Variants in PARD6G observed in about 807,000 individuals in gnomAD.
The protein encoded by PARD6G is par-6 family cell polarity regulator gamma, also known as partitioning defective 6 homolog gamma.
PARD6G carries 7 observed loss-of-function variants against 10.7 expected under a neutral mutation model. The observed-to-expected ratio is 0.66, with a 90% CI of 0.37 to 1.23. PARD6G has a LOEUF of 1.23. Ranked by LOEUF, PARD6G falls within the 50% of genes most tolerant of loss-of-function variation. The pLI is 0.02. For missense variants in PARD6G, 548 were observed against 571.8 expected, an observed-to-expected ratio of 0.96 and a Z score of 0.42; for synonymous variants, 287 against 269.4, an observed-to-expected ratio of 1.07 and a Z score of -0.64.
intron 1 of PARD6G, among the ~76,000 whole-genome samples, chr18:80,226,151 GTTTTTTTTT>G (rs10606939): frequency 1.3e-4 from 10 of 76,572 alleles, no homozygotes; most frequent in South Asian, 9.5e-4. Context: ...AATGACTTCA[GTTTTTTTTT>G]TTTTTTTTTT....
intron 1 of PARD6G, among the ~76,000 whole-genome samples, chr18:80,216,209 G>A (rs1441828338): frequency 6.6e-6 from 1 of 151,970 alleles, no homozygotes; most frequent in African/African-American, 2.4e-5. Context: ...TTTTTATAAT[G>A]AATAAAACTA....
In PARD6G at chr18:80,182,919, T is replaced by C. The variant is rs1350916676; in HGVS notation, c.295+19791A>G. On this transcript the variant is annotated intron_variant, in intron 2 of 2. Transcript: ENST00000353265. This position sits in a 1 kb window ranked among gnomAD's most constrained non-coding sequence, Gnocchi z 4.5. The stretch of plus-strand genomic sequence containing the variant: ...GGCTAGATGTTTGGCTGAAGCTGCG[T>C]GTGCCACAACACTGCAGGCCCCACA... The C allele has an allele frequency of 6.8e-6, 4 of 589,344 alleles. No individual in the cohort carries two copies. Among genetic ancestry groups the C allele is most frequent in the African/African-American group, 1.9e-5 (1 of 53,626 alleles). The allele number at this position is 589,344 out of a possible 1,614,324, so 36.5% of individuals were successfully genotyped here.
rs756076266 is a variant in PARD6G at position 80,181,711 on chromosome 18, T to G, written c.295+20999A>C. Among the ~76,000 whole-genome samples, 1 of 152,052 alleles carries G rather than the reference T, an allele frequency of 6.6e-6. No homozygotes were observed. The highest frequency in any genetic ancestry group is 2.4e-5 in the African/African-American group (1 of 41,382). ...GCCAACCTGGAGCCTGGCCCTTCCCTCCTTCCTGGCTGGAAGCTGCTTTCA... is the reference window on the plus strand; with the variant it reads ...GCCAACCTGGAGCCTGGCCCTTCCCGCCTTCCTGGCTGGAAGCTGCTTTCA... On this transcript the variant is annotated intron_variant, in intron 2 of 2. Coordinates refer to ENST00000353265, the MANE Select transcript of PARD6G (RefSeq NM_032510.4). The surrounding 1 kb of genome is among the most constrained non-coding windows in gnomAD (Gnocchi z 7.9).
chr18:80,160,330 G>C lies in PARD6G; in HGVS notation c.572C>G (p.Pro191Arg). 1 of 1,611,876 alleles carries C rather than the reference G, an allele frequency of 6.2e-7. No individual in the cohort carries two copies. Among genetic ancestry groups the C allele is most frequent in the Non-Finnish European group, 8.5e-7 (1 of 1,179,802 alleles). Residue 191 changes from proline to arginine, a missense_variant, in exon 3 of 3, where the codon CCC (proline) becomes CGC (arginine). Coordinates refer to ENST00000353265, the MANE Select transcript of PARD6G (RefSeq NM_032510.4). ...RVTPHGLEKV[P>R]GIFISRMVPG... ...TACCATGCGCGAGATGAAGATGCCG[G>C]GCACCTTCTCCAGCCCGTGCGGGGT...
chr18:80,212,788 G>A (rs1346235108), intron 1 of PARD6G, among the ~76,000 whole-genome samples: 2 of 152,024 alleles, frequency 1.3e-5, no homozygotes, highest in African/African-American at 4.8e-5. Context: ...AGGAGGCTGA[G>A]ACAGGAGAAT....
At chr18:80,218,355 G>A (rs1967192810) in intron 1 of PARD6G, among the ~76,000 whole-genome samples, 1 of 151,802 alleles carries the variant, frequency 6.6e-6, no homozygotes, top group Non-Finnish European at 1.5e-5. Context: ...ATTCCAAACA[G>A]GAGAAATTGG....
Position 80,246,462 on chromosome 18 carries a change from G to C in PARD6G, c.72+815C>G, listed in dbSNP as rs576573938. On this transcript the variant is annotated intron_variant, in intron 1 of 2. Coordinates refer to ENST00000353265, the MANE Select transcript of PARD6G (RefSeq NM_032510.4). The surrounding 1 kb of genome is among the most constrained non-coding windows in gnomAD (Gnocchi z 6.7). ...GGCACGCTCCGCCCGGGCGCAGGCA[G>C]CGGGAGGGGCCGGGCACGCCCGTGG... Among the ~76,000 whole-genome samples, 441 of 152,278 alleles carry C rather than the reference G, an allele frequency of 2.9e-3. 3 individuals are homozygous for C. Among genetic ancestry groups the C allele is most frequent in the African/African-American group, 0.01 (428 of 41,576 alleles).
At chr18:80,165,170 G>A (rs543129604) in intron 2 of PARD6G, among the ~76,000 whole-genome samples, 11 of 152,304 alleles carry the variant, frequency 7.2e-5, no homozygotes, top group East Asian at 5.8e-4. Context: ...AGACCAGGGC[G>A]TATCTCAGTC....
chr18:80,178,997 C>G (rs1475499862), intron 2 of PARD6G, among the ~76,000 whole-genome samples: 3 of 152,168 alleles, frequency 2.0e-5, no homozygotes, highest in Non-Finnish European at 4.4e-5. Context: ...CGCCAGAGCC[C>G]AGGGAGAGCA....
At chr18:80,225,124 T>A (rs899140716) in intron 1 of PARD6G, among the ~76,000 whole-genome samples, 1 of 152,134 alleles carries the variant, frequency 6.6e-6, no homozygotes, top group African/African-American at 2.4e-5. Context: ...CTCAGAACCA[T>A]CCCCAAGGAA....
In PARD6G at chr18:80,182,668, C is replaced by T. The variant is rs113295397; in HGVS notation, c.295+20042G>A. Among the ~76,000 whole-genome samples, 1 of 152,228 alleles carries T rather than the reference C, an allele frequency of 6.6e-6. No individual in the cohort carries two copies. The highest frequency in any genetic ancestry group is 6.5e-5 in the Admixed American group (1 of 15,290). ...ACAGGGAAAAAAGGTGCAAGTCCAA[C>T]AGACACCCTTTCCAGTCACCTAGAC... On this transcript the variant is annotated intron_variant, in intron 2 of 2. Coordinates refer to ENST00000353265, the MANE Select transcript of PARD6G (RefSeq NM_032510.4). The surrounding 1 kb of genome is among the most constrained non-coding windows in gnomAD (Gnocchi z 4.5).
At chr18:80,226,721 T>C (rs9675571) in intron 1 of PARD6G, among the ~76,000 whole-genome samples, 128,289 of 152,076 alleles carry the variant, frequency 0.84, 54,250 homozygotes, top group Non-Finnish European at 0.86. Context: ...CCCCCAGAGA[T>C]GTGACAGACT....
chr18:80,241,031 G>A (rs960378430), intron 1 of PARD6G, among the ~76,000 whole-genome samples: 5 of 152,278 alleles, frequency 3.3e-5, no homozygotes, highest in South Asian at 2.1e-4. Context: ...AGGACTTCCC[G>A]TGAGGCCATG....
chr18:80,159,869 G>A lies in PARD6G; in HGVS notation c.1033C>T (p.Leu345Phe). ...CGCAGGGAGCTGAGCAGCCGCTGGA[G>A]GCCGCCGTCCAGGGCCAGGTCCCGC... is the stretch of plus-strand genomic sequence containing the variant. ...LQRDLALDGG[L>F]QRLLSSLRAD... The change falls in exon 3 of 3, where the codon CTC becomes TTC. Residue 345 changes from leucine (L) to phenylalanine (F), a missense_variant. Transcript: ENST00000353265. 3 of 1,510,308 alleles carry A rather than the reference G, an allele frequency of 2.0e-6. No individual in the cohort carries two copies. Among genetic ancestry groups the A allele is most frequent in the Non-Finnish European group, 2.6e-6 (3 of 1,135,078 alleles). The allele number at this position is 1,510,308 out of a possible 1,614,324, so 93.6% of individuals were successfully genotyped here. A position where few individuals can be genotyped will look rare whatever the true frequency, so the allele number is the denominator to read the frequency against.
chr18:80,199,312 G>A (rs1157490397), intron 2 of PARD6G, among the ~76,000 whole-genome samples: 2 of 152,100 alleles, frequency 1.3e-5, no homozygotes, highest in African/African-American at 4.8e-5. Context: ...TTAAACATAC[G>A]GTTTCTGAGG....
At position 80,160,525 on chromosome 18, in the gene PARD6G, G is replaced by T. The variant is rs1267791271; in HGVS notation, c.377C>A (p.Pro126His). The T allele has an allele frequency of 6.6e-7, 1 of 1,517,310 alleles. No individual in the cohort carries two copies. The highest frequency in any genetic ancestry group is 2.3e-5 in the East Asian group (1 of 42,704). The allele number at this position is 1,517,310 out of a possible 1,614,324, so 94.0% of individuals were successfully genotyped here. A position where few individuals can be genotyped will look rare whatever the true frequency, so the allele number is the denominator to read the frequency against. ...GATGTCCAGGTGTGCACGCCGCCGG[G>T]GTCCTTCATCACGCAGCGCGCCCAG... ...RALGALRDEG[P>H]RRRAHLDIGL... is the part of the protein sequence containing the mutation. Residue 126 changes from proline to histidine, a missense_variant, in exon 3 of 3, where the codon CCC (proline) becomes CAC (histidine). By Grantham distance (77) the Pro-to-His change is moderately conservative. Around this residue, in one of 2 missense-constraint regions of PARD6G, gnomAD observed 235 missense variants for 291.9 expected, o/e 0.81. Coordinates refer to ENST00000353265, the MANE Select transcript of PARD6G (RefSeq NM_032510.4).
intron 1 of PARD6G, among the ~76,000 whole-genome samples, chr18:80,244,743 C>T (rs1202760169): frequency 1.3e-5 from 2 of 152,174 alleles, no homozygotes; most frequent in African/African-American, 4.8e-5. Context: ...CCCCAGACGC[C>T]ATTTTCCCCA....
chr18:80,193,902 C>T (rs554536820), intron 2 of PARD6G, among the ~76,000 whole-genome samples: 2 of 152,130 alleles, frequency 1.3e-5, no homozygotes, highest in African/African-American at 2.4e-5. Context: ...CAAAAACAGT[C>T]GGGATTTCTG....
At chr18:80,171,779 C>A (rs1044795698) in intron 2 of PARD6G, 2 of 152,212 alleles carry the variant, frequency 1.3e-5, no homozygotes, top group African/African-American at 4.8e-5. Flanking sequence ...TGTTCAAGGT[C>A]ATCCACATTG....
Sources: allele counts gnomAD v4.1 joint callset (sites outside exome capture counted in the v4.1 genomes callset), GRCh38; gene constraint gnomAD v4.1.1; regional missense constraint gnomAD v4.1.1; non-coding constraint Gnocchi (gnomAD v3.1); transcripts MANE v1.5; gene names NCBI Gene and HGNC (gene_info 2026-07-23, HGNC 2026-07-21).